Variants in WDR47 observed in about 807,000 individuals in gnomAD.
WDR47 encodes WD repeat domain 47.
WDR47 carries 32 observed loss-of-function variants against 97.2 expected under a neutral mutation model. The observed-to-expected ratio is 0.33, with a 90% CI of 0.25 to 0.44. The LOEUF is 0.44. WDR47 is among the 20% of genes least tolerant of loss of function. The probability of loss-of-function intolerance (pLI) is 1.00; values close to 1 mark genes in which losing one functional copy is unlikely to be tolerated. For synonymous variants in WDR47, 375 were observed against 373.5 expected, an observed-to-expected ratio of 1.00 and a Z score of -0.05; for missense variants, 782 against 1,102.3, an observed-to-expected ratio of 0.71 and a Z score of 4.11.
At chr1:108,996,045 G>A (rs773949511) in intron 7 of WDR47, among the ~76,000 whole-genome samples, 6 of 152,128 alleles carry the variant, frequency 3.9e-5, no homozygotes, top group Non-Finnish European at 7.4e-5. Flanking sequence ...TAACACTACA[G>A]AAGATAGGCA....
intron 9 of WDR47, among the ~76,000 whole-genome samples, chr1:108,988,776 G>A (rs1401696503): frequency 6.9e-6 from 1 of 145,944 alleles, no homozygotes; most frequent in African/African-American, 2.5e-5. Context: ...TTTTTTTTTT[G>A]AGATGGAGTA....
chr1:109,016,831 C>T (rs112265983), intron 3 of WDR47, among the ~76,000 whole-genome samples: 4,282 of 150,964 alleles, frequency 0.028, 94 homozygotes, highest in Non-Finnish European at 0.042. Context: ...GGAGAAAAGG[C>T]AATCATTAGA....
intron 3 of WDR47, among the ~76,000 whole-genome samples, chr1:109,017,033 T>C (rs1661466649): frequency 6.6e-6 from 1 of 152,038 alleles, no homozygotes; most frequent in African/African-American, 2.4e-5. Context: ...AAATGAAAAA[T>C]TCACTGTTGA....
intron 1 of WDR47, among the ~76,000 whole-genome samples, chr1:109,035,065 C>T (rs1373811628): frequency 6.7e-5 from 10 of 148,540 alleles, no homozygotes; most frequent in Admixed American, 4.7e-4. Flanking sequence ...GGCAACATGG[C>T]GAAACCCTGT....
chr1:108,991,851 C>T (rs1013279356), intron 8 of WDR47, among the ~76,000 whole-genome samples: 33 of 152,032 alleles, frequency 2.2e-4, no homozygotes, highest in Admixed American at 9.8e-4. Flanking sequence ...ATAATAGAGA[C>T]GGGGTCTCCC....
chr1:109,029,956 T>C lies in WDR47; in HGVS notation c.-9-6435A>G, dbSNP rs577967402. The C allele has an allele frequency of 5.5e-4, 211 of 385,480 alleles. 2 individuals carry two copies. Among genetic ancestry groups the C allele is most frequent in the Non-Finnish European group, 7.6e-4 (167 of 218,484 alleles). The allele number at this position is 385,480 out of a possible 1,614,324, so 23.9% of individuals were successfully genotyped here. A position where few individuals can be genotyped will look rare whatever the true frequency, so the allele number is the denominator to read the frequency against. ...CTCTGTGTATTTCCATACAAAGATA[T>C]GGAAAAACTTCATGAAAAAATATCA... On this transcript the variant is annotated intron_variant, in intron 1 of 14. Coordinates refer to ENST00000369962, the MANE Select transcript of WDR47 (RefSeq NM_001142551.2).
intron 5 of WDR47, among the ~76,000 whole-genome samples, chr1:109,007,221 C>CAAAA (rs542534921): frequency 6.5e-5 from 6 of 92,064 alleles, no homozygotes; most frequent in African/African-American, 1.6e-4. Flanking sequence ...AATGTATACT[C>CAAAA]AAAAAAAAAA....
intron 1 of WDR47, among the ~76,000 whole-genome samples, chr1:109,029,671 CT>C (rs1662473573): frequency 9.1e-4 from 128 of 140,666 alleles, no homozygotes; most frequent in African/African-American, 2.8e-3. Flanking sequence ...GACTCTGTCT[CT>C]AAATAAATAA....
intron 2 of WDR47, among the ~76,000 whole-genome samples, chr1:109,019,819 G>A (rs1309709990): frequency 6.6e-6 from 1 of 152,110 alleles, no homozygotes; most frequent in Non-Finnish European, 1.5e-5. Flanking sequence ...AAGTTACAAG[G>A]CATTCTTACA....
At chr1:109,016,964 A>G (rs559504522) in intron 3 of WDR47, among the ~76,000 whole-genome samples, 16 of 152,162 alleles carry the variant, frequency 1.1e-4, no homozygotes, top group Non-Finnish European at 2.1e-4. Context: ...ATGAATGAAC[A>G]GATGGAAAAA....
chr1:109,001,374 T>C (rs140654208), intron 7 of WDR47, among the ~76,000 whole-genome samples: 361 of 152,146 alleles, frequency 2.4e-3, no homozygotes, highest in African/African-American at 8.5e-3. Context: ...TCTCCTATAA[T>C]TGGAAACAAT....
intron 1 of WDR47, among the ~76,000 whole-genome samples, chr1:109,035,816 CTTTTT>C (rs200992563): frequency 1.4e-5 from 2 of 143,488 alleles, no homozygotes; most frequent in African/African-American, 2.6e-5. Flanking sequence ...TTTGTATCTT[CTTTTT>C]TTTTTTTTTA....
Position 108,980,746 on chromosome 1 carries a change from A to C in WDR47, c.2398+987T>G, listed in dbSNP as rs529804529. On this transcript the variant is annotated intron_variant, in intron 13 of 14. Coordinates refer to ENST00000369962, the MANE Select transcript of WDR47 (RefSeq NM_001142551.2). ...TCTGTCTCAACAACAACAACAACAA[A>C]AAAACTACAAAGGCAGAAAAGGTAC... is the stretch of plus-strand genomic sequence containing the variant. Among the ~76,000 whole-genome samples the C allele has an allele frequency of 7.9e-5, 12 of 151,616 alleles. No homozygotes were observed. In the South Asian group the frequency reaches 1.9e-3, roughly 24 times the overall value.
In WDR47 at chr1:108,972,339, G is replaced by GCCT. The variant is rs377124116; in HGVS notation, c.2618-770_2618-768dup. On this transcript the variant is annotated intron_variant, in intron 14 of 14. Transcript: ENST00000369962. ...TCATCTCACCTGAACTATTCCAACA[G>GCCT]CCTCCTCACTGACATTTATATTTCT... Among the ~76,000 whole-genome samples, 1,022 of 151,980 alleles carry GCCT rather than the reference G, an allele frequency of 6.7e-3. 7 individuals are homozygous for GCCT. The highest frequency in any genetic ancestry group is 0.023 in the African/African-American group (947 of 41,438).
At chr1:108,994,112 T>C (rs1388679708) in intron 8 of WDR47, among the ~76,000 whole-genome samples, 1 of 152,228 alleles carries the variant, frequency 6.6e-6, no homozygotes, top group East Asian at 1.9e-4. Flanking sequence ...AAAACAGTAA[T>C]AGAGGCCGGG....
rs1217073003 is a variant in WDR47 at position 109,004,458 on chromosome 1, CTAA to C, written c.1254+131_1254+133del. ...CGTTGAAGAGAGGAGAGAAAATAAG[CTAA>C]TAATAAGAAAATCTATGTATATTAT... On this transcript the variant is annotated intron_variant, in intron 6 of 14. Transcript: ENST00000369962. 1.1e-5 allele frequency: 12 copies of C among 1,109,342 alleles called. No individual in the cohort carries two copies. In the East Asian group the frequency reaches 2.3e-4, roughly 22 times the overall value. 68.7% of individuals were successfully genotyped at this position (1,109,342 alleles called of 1,614,324 possible).
chr1:109,034,923 A>T (rs1208688754), intron 1 of WDR47, among the ~76,000 whole-genome samples: 4 of 152,160 alleles, frequency 2.6e-5, no homozygotes, highest in African/African-American at 9.7e-5. Flanking sequence ...ATTTATTTAA[A>T]AGGAGAGAGG....
Position 108,995,731 on chromosome 1 carries a change from C to G in WDR47, c.1540G>C (p.Gly514Arg). Residue 514 changes from glycine (G) to arginine (R), a missense_variant, in exon 8 of 15, where the codon GGT (glycine) becomes CGT (arginine). Physicochemically the swap from Gly to Arg is moderately radical, Grantham distance 125. Transcript: ENST00000369962. Reference protein sequence around the residue: ...CNGSKGNGSNGSSVTSFTTPP... With the variant: ...CNGSKGNGSNRSSVTSFTTPP... ...GTAGTAAAACTAGTCACAGAAGAAC[C>G]ATTAGATCCATTGCCTTTGCTCCCA... 6.2e-7 allele frequency: 1 copy of G among 1,614,100 alleles called. No individual in the cohort carries two copies. The highest frequency in any genetic ancestry group is 8.5e-7 in the Non-Finnish European group (1 of 1,180,004).
chr1:109,033,368 T>C (rs965031043), intron 1 of WDR47, among the ~76,000 whole-genome samples: 3 of 152,032 alleles, frequency 2.0e-5, no homozygotes, highest in African/African-American at 7.2e-5. Context: ...TTCAAATCAA[T>C]ACCCTCAAAA....
Sources: gnomAD v4.1 joint callset for allele counts (sites outside exome capture counted in the v4.1 genomes callset) on GRCh38, gnomAD v4.1.1 for gene constraint, MANE v1.5 for transcripts, NCBI Gene and HGNC (gene_info 2026-07-23, HGNC 2026-07-21) for gene names.